Variants in STIM1 observed in about 807,000 individuals in gnomAD.
The protein encoded by STIM1 is stromal interaction molecule 1.
STIM1 carries 25 observed loss-of-function variants against 74.7 expected under a neutral mutation model. The ratio of observed to expected loss-of-function variants is 0.33; its 90% CI spans 0.24 to 0.47. The LOEUF is 0.47. STIM1 is among the 20% of genes least tolerant of loss of function. The pLI is 1.00. For synonymous variants in STIM1, 328 were observed against 348.8 expected (o/e 0.94, Z 0.66); for missense variants, 728 against 920.8 (o/e 0.79, Z 2.71).
chr11:3,879,851 G>A (rs1441128517), intron 1 of STIM1, among the ~76,000 whole-genome samples: 1 of 152,224 alleles, frequency 6.6e-6, no homozygotes, highest in African/African-American at 2.4e-5. Flanking sequence ...TGGTGACCCA[G>A]TGAATGGTAA....
At chr11:4,029,942 A>T (rs563465153) in intron 3 of STIM1, among the ~76,000 whole-genome samples, 2 of 152,272 alleles carry the variant, frequency 1.3e-5, no homozygotes, top group East Asian at 3.9e-4. Context: ...TGGTTTTGTT[A>T]TACATGCTTT....
chr11:3,947,741 A>G (rs1438500736), intron 1 of STIM1: 1 of 152,188 alleles, frequency 6.6e-6, no homozygotes. Context: ...ACCTGTATGC[A>G]TTTATTCTTA....
intron 10 of STIM1, among the ~76,000 whole-genome samples, chr11:4,084,445 G>A (rs80254492): frequency 1.4e-4 from 21 of 152,058 alleles, no homozygotes; most frequent in African/African-American, 5.1e-4. Context: ...CTGATAACTC[G>A]TTAGGCCTTT....
At chr11:3,987,243 G>T (rs899315587) in intron 2 of STIM1, among the ~76,000 whole-genome samples, 1 of 152,222 alleles carries the variant, frequency 6.6e-6, no homozygotes, top group Non-Finnish European at 1.5e-5. Flanking sequence ...GTAAGGGACT[G>T]TGCCTTAAAT....
At chr11:4,086,961 G>A in intron 12 of STIM1, 1 of 1,418,826 alleles carries the variant, frequency 7.0e-7, no homozygotes, top group East Asian at 2.5e-5. Flanking sequence ...CTCTGGGGGT[G>A]TGTGCAGTGG....
chr11:3,935,657 G>A (rs757978019), intron 1 of STIM1, among the ~76,000 whole-genome samples: 5 of 152,206 alleles, frequency 3.3e-5, no homozygotes, highest in African/African-American at 1.2e-4. Context: ...CCTGTGGTTC[G>A]ATTTTCCCAG....
In STIM1 at chr11:4,039,829, G is replaced by A. The variant is rs1019815994; in HGVS notation, c.386-15697G>A. The stretch of plus-strand genomic sequence containing the variant: ...GTTGCCCAGGCTGGAGTACAGTGGC[G>A]TGATCTTGGCTCACTGCAACCTCTG... On this transcript the variant is annotated intron_variant, in intron 3 of 12. Transcript: ENST00000526596. 3.3e-5 allele frequency among the ~76,000 whole-genome samples: 5 copies of A among 151,854 alleles called. No individual in the cohort carries two copies. In the South Asian group the frequency reaches 8.4e-4, roughly 25 times the overall value.
At chr11:3,890,016 C>T (rs1320350513) in intron 1 of STIM1, among the ~76,000 whole-genome samples, 1 of 152,170 alleles carries the variant, frequency 6.6e-6, no homozygotes, top group Non-Finnish European at 1.5e-5. Context: ...CTTTCCATAC[C>T]TGTAGCTCCT....
intron 2 of STIM1, among the ~76,000 whole-genome samples, chr11:3,970,536 C>T (rs1339932306): frequency 7.2e-6 from 1 of 138,146 alleles, no homozygotes; most frequent in Non-Finnish European, 1.6e-5. Flanking sequence ...CATTGAGGAC[C>T]TGAAGGGTTT....
rs192930164 is a variant in STIM1, at chr11:3,982,320, G to A, written c.270+14638G>A. Among the ~76,000 whole-genome samples the A allele has an allele frequency of 8.0e-4, 120 of 150,664 alleles. No individual in the cohort carries two copies. The South Asian group carries it at 0.016, about 20-fold the overall frequency. Reference sequence around the variant, plus strand: ...CCTGGGATCGTAAACATGAGCCAACGCACCCAGCCTGGAAAATTTTCTTAA... The same window carrying A: ...CCTGGGATCGTAAACATGAGCCAACACACCCAGCCTGGAAAATTTTCTTAA... On this transcript the variant is annotated intron_variant, in intron 2 of 12. Coordinates refer to ENST00000526596, the MANE Select transcript of STIM1 (RefSeq NM_001382567.1).
chr11:3,994,794 GTTCTACATTT>G (rs1170054046), intron 2 of STIM1, among the ~76,000 whole-genome samples: 1 of 152,010 alleles, frequency 6.6e-6, no homozygotes. Context: ...GATTAATGGT[GTTCTACATTT>G]CTCTGAGGCT....
At chr11:4,067,589 G>C (rs1035150455) in intron 5 of STIM1, among the ~76,000 whole-genome samples, 1 of 152,256 alleles carries the variant, frequency 6.6e-6, no homozygotes, top group Non-Finnish European at 1.5e-5. Flanking sequence ...GTAGCAGAAA[G>C]ACAATGTAGT....
chr11:4,049,731 C>CACAG (rs2094224014), intron 3 of STIM1: 1 of 138,754 alleles, frequency 7.2e-6, no homozygotes, highest in South Asian at 2.8e-4. Flanking sequence ...CACACACACA[C>CACAG]ACACACACAC....
chr11:4,070,224 A>G (rs1290225266), intron 6 of STIM1, 21 bp downstream of exon 6: 1 of 1,613,248 alleles, frequency 6.2e-7, no homozygotes, highest in Admixed American at 1.7e-5. Context: ...CCCCTTCAGG[A>G]AAGGTGAGGC....
chr11:3,992,907 A>C (rs2093628934), intron 2 of STIM1, among the ~76,000 whole-genome samples: 1 of 152,232 alleles, frequency 6.6e-6, no homozygotes, highest in Admixed American at 6.5e-5. Context: ...CCTCAACTCC[A>C]CATCTATTGG....
At chr11:3,945,455 T>A (rs1423750450) in intron 1 of STIM1, among the ~76,000 whole-genome samples, 1 of 151,520 alleles carries the variant, frequency 6.6e-6, no homozygotes, top group Admixed American at 6.6e-5. Context: ...GAAAATTAGC[T>A]GGACATGGTG....
chr11:4,043,679 G>C (rs1403367697), intron 3 of STIM1, among the ~76,000 whole-genome samples: 1 of 152,170 alleles, frequency 6.6e-6, no homozygotes, highest in African/African-American at 2.4e-5. Flanking sequence ...TATTGGCAAT[G>C]TGTGTACAAA....
At chr11:3,934,209 T>A (rs2092906442) in intron 1 of STIM1, among the ~76,000 whole-genome samples, 1 of 144,130 alleles carries the variant, frequency 6.9e-6, no homozygotes, top group South Asian at 2.4e-4. Flanking sequence ...CTTCAATAGC[T>A]TTTCAGCACT....
Position 4,092,923 on chromosome 11 carries a change from G to A in STIM1, c.*1125G>A, listed in dbSNP as rs1476653163. 6.6e-6 allele frequency: 1 copy of A among 152,428 alleles called. No individual in the cohort carries two copies. The highest frequency in any genetic ancestry group is 1.9e-4 in the East Asian group (1 of 5,182). The allele number at this position is 152,428 out of a possible 1,614,324, so 9.4% of individuals were successfully genotyped here. A position where few individuals can be genotyped will look rare whatever the true frequency, so the allele number is the denominator to read the frequency against. ...GCTAAGGAAGATGGTATAGGTGAAG[G>A]CGGCTGTGTGACCACTTTCCCCCAC... On this transcript the variant is annotated 3_prime_UTR_variant, in exon 13 of 13. Transcript: ENST00000526596.
Sources: allele counts gnomAD v4.1 joint callset (sites outside exome capture counted in the v4.1 genomes callset), GRCh38; gene constraint gnomAD v4.1.1; transcripts MANE v1.5; gene names NCBI Gene and HGNC (gene_info 2026-07-23, HGNC 2026-07-21).